Variants in PIP5K1C observed in about 807,000 individuals in gnomAD.
PIP5K1C encodes the protein phosphatidylinositol 4-phosphate 5-kinase type-1 gamma.
In PIP5K1C, 45 loss-of-function variants were observed where a neutral mutation model predicts 80.1. That is an observed-to-expected ratio of 0.56 (90% CI 0.44 to 0.72). The LOEUF is 0.72. PIP5K1C is among the 30% of genes least tolerant of loss of function. PIP5K1C has a pLI of 0.00. For synonymous variants in PIP5K1C, 498 were observed against 420.1 expected (o/e 1.19, Z -2.27); for missense variants, 753 against 954.6 (o/e 0.79, Z 2.78).
chr19:3,665,431 C>T (rs1021376594), intron 2 of PIP5K1C, among the ~76,000 whole-genome samples: 4 of 152,060 alleles, frequency 2.6e-5, no homozygotes, highest in Admixed American at 2.6e-4. Context: ...GTATGCAAAT[C>T]ACATCTCAGT....
At chr19:3,661,702 A>G (rs2034836970) in intron 4 of PIP5K1C, among the ~76,000 whole-genome samples, 169 bp downstream of exon 4, 1 of 152,246 alleles carries the variant, frequency 6.6e-6, no homozygotes, top group South Asian at 2.1e-4. Flanking sequence ...TCTCTGATTC[A>G]GCAGCAAACA....
At chr19:3,669,772 CGT>C (rs920317217) in intron 1 of PIP5K1C, 2 of 148,900 alleles carry the variant, frequency 1.3e-5, no homozygotes, top group African/African-American at 2.5e-5. Flanking sequence ...GGGAGACCCA[CGT>C]GTGTCCCATC....
intron 10 of PIP5K1C, among the ~76,000 whole-genome samples, 174 bp downstream of exon 10, chr19:3,647,162 TCA>T (rs567720571): frequency 5.2e-4 from 45 of 86,574 alleles, no homozygotes; most frequent in African/African-American, 2.0e-3. Context: ...GTGCAGGCAC[TCA>T]CAGAGGAGGG....
intron 1 of PIP5K1C, among the ~76,000 whole-genome samples, chr19:3,672,891 C>T (rs1176900721): frequency 7.3e-5 from 7 of 96,086 alleles, no homozygotes; most frequent in African/African-American, 2.3e-4. Context: ...GCCCTGGAGG[C>T]GGTGGGGGCG....
chr19:3,665,834 G>A (rs2145502072), intron 2 of PIP5K1C, among the ~76,000 whole-genome samples: 1 of 152,214 alleles, frequency 6.6e-6, no homozygotes, highest in African/African-American at 2.4e-5. Flanking sequence ...AAGGAGAACA[G>A]CCCCGCCTGG....
intron 5 of PIP5K1C, 117 bp downstream of exon 5, chr19:3,660,849 T>C (rs2034808324): frequency 1.3e-6 from 1 of 784,768 alleles, no homozygotes; most frequent in Non-Finnish European, 2.3e-6. Flanking sequence ...AACCTGACCA[T>C]AACCCTACAC....
At chr19:3,644,043 C>T (rs921115370) in intron 12 of PIP5K1C, 44 bp downstream of exon 12, 5 of 1,599,656 alleles carry the variant, frequency 3.1e-6, no homozygotes, top group Admixed American at 1.7e-5. Context: ...GCTGCTGGCA[C>T]CCCCTGTAGC....
At position 3,631,571 on chromosome 19, in the gene PIP5K1C, C is replaced by G. The variant is rs4807494; in HGVS notation, c.*1596G>C. 127,525 of 152,264 alleles carry G rather than the reference C, an allele frequency of 0.84. 53,738 individuals carry two copies. Among genetic ancestry groups the G allele is most frequent in the African/African-American group, 0.92 (38,399 of 41,538 alleles). The allele number at this position is 152,264 out of a possible 1,614,324, so 9.4% of individuals were successfully genotyped here. A position where few individuals can be genotyped will look rare whatever the true frequency, so the allele number is the denominator to read the frequency against. On this transcript the variant is annotated 3_prime_UTR_variant, in exon 18 of 18. Coordinates refer to ENST00000335312, the MANE Select transcript of PIP5K1C (RefSeq NM_012398.3). Reference sequence around the variant, plus strand: ...CTGATGGATGCTGGGAGCCACGCGGCTGGCCGGTTCCCGAGGAGGGTCGGC... The same window carrying G: ...CTGATGGATGCTGGGAGCCACGCGGGTGGCCGGTTCCCGAGGAGGGTCGGC...
chr19:3,651,135 ACCT>A (rs1443131795), intron 8 of PIP5K1C, among the ~76,000 whole-genome samples: 1 of 144,620 alleles, frequency 6.9e-6, no homozygotes, highest in Admixed American at 6.9e-5. Context: ...GCTCACTGCA[ACCT>A]CCGCCTGCCA....
intron 1 of PIP5K1C, among the ~76,000 whole-genome samples, chr19:3,697,348 G>A (rs1217297947): frequency 6.6e-6 from 1 of 151,754 alleles, no homozygotes; most frequent in Non-Finnish European, 1.5e-5. Flanking sequence ...GGACCGGGGA[G>A]GACCGAGCCA....
chr19:3,686,298 T>C (rs1019097772), intron 1 of PIP5K1C, among the ~76,000 whole-genome samples: 6 of 151,752 alleles, frequency 4.0e-5, no homozygotes, highest in Non-Finnish European at 7.4e-5. Flanking sequence ...CGGGCGCCTG[T>C]AGTCCCAGCT....
chr19:3,650,077 A>AC (rs148826764), intron 8 of PIP5K1C: 3,369 of 158,018 alleles, frequency 0.021, 130 homozygotes, highest in African/African-American at 0.078. Flanking sequence ...TGGCTCCCGC[A>AC]CCCCCCCGCA....
At position 3,653,405 on chromosome 19, in the gene PIP5K1C, T is replaced by C; in HGVS notation, c.806A>G (p.Glu269Gly). The part of the protein sequence containing the change: ...YKRRASKKEK[E>G]KSFPTYKDLD... ...GTCCTTGTAGGTGGGGAAGCTCTTC[T>C]CCTTCTCCTTCTTGCTGGCGCGCCG... Residue 269 changes from glutamate to glycine, a missense_variant, in exon 7 of 18, where the codon GAG becomes GGG. Glu to Gly is a moderately conservative substitution (Grantham distance 98, BLOSUM62 -2). Coordinates refer to ENST00000335312, the MANE Select transcript of PIP5K1C (RefSeq NM_012398.3). 1.2e-6 allele frequency: 2 copies of C among 1,613,246 alleles called. No homozygotes were observed. The highest frequency in any genetic ancestry group is 1.7e-6 in the Non-Finnish European group (2 of 1,179,996).
rs371947743 is a variant in PIP5K1C, at chr19:3,647,005, G to A, written c.1260+333C>T. Among the ~76,000 whole-genome samples the A allele has an allele frequency of 2.0e-3, 280 of 138,428 alleles. 6 individuals carry two copies. The highest frequency in any genetic ancestry group is 7.0e-3 in the African/African-American group (256 of 36,350). 90.8% of individuals were successfully genotyped at this position (138,428 alleles called of 152,430 possible). ...CAGGGAGGAAGGATGGGAGGAGGGT[G>A]CAGGCGCTCACAGAGGGAGGAGGGA... On this transcript the variant is annotated intron_variant, in intron 10 of 17. Transcript: ENST00000335312.
chr19:3,700,301 CGCCGCCCCGCTCTCT>C lies in PIP5K1C; in HGVS notation c.75_89del (p.Glu26_Ala30del), dbSNP rs1395792787. On this transcript the variant is annotated inframe_deletion, in exon 1 of 18. Coordinates refer to ENST00000335312, the MANE Select transcript of PIP5K1C (RefSeq NM_012398.3). ...CCCGGGAGGCCGGGCCGTTACCTGC[CGCCGCCCCGCTCTCT>C]GCCGCCCACGCCGCCTCCGAGGGCA... The C allele has an allele frequency of 7.8e-7, 1 of 1,280,826 alleles. No homozygotes were observed. The highest frequency in any genetic ancestry group is 1.0e-6 in the Non-Finnish European group (1 of 997,336). The allele number at this position is 1,280,826 out of a possible 1,614,324, so 79.3% of individuals were successfully genotyped here.
chr19:3,698,958 C>T (rs568038291), intron 1 of PIP5K1C, among the ~76,000 whole-genome samples: 8 of 150,270 alleles, frequency 5.3e-5, no homozygotes, highest in Admixed American at 2.7e-4. Context: ...CCCACTCCCC[C>T]GCTCTCCCAC....
chr19:3,663,269 T>G (rs764134116), intron 3 of PIP5K1C, among the ~76,000 whole-genome samples: 1 of 152,212 alleles, frequency 6.6e-6, no homozygotes, highest in Non-Finnish European at 1.5e-5. Flanking sequence ...ACCTCCGCTC[T>G]CTAATTCCGG....
chr19:3,653,231 G>T, intron 7 of PIP5K1C, 59 bp downstream of exon 7: 1 of 1,535,160 alleles, frequency 6.5e-7, no homozygotes, highest in Non-Finnish European at 8.9e-7. Flanking sequence ...CCCAGGCCGA[G>T]CCCTCACCAC....
chr19:3,690,889 G>A (rs547885066), intron 1 of PIP5K1C, among the ~76,000 whole-genome samples: 1 of 152,336 alleles, frequency 6.6e-6, no homozygotes, highest in South Asian at 2.1e-4. Flanking sequence ...AATGGGCCGG[G>A]GAGGGTGGAG....
Sources: allele counts gnomAD v4.1 joint callset (sites outside exome capture counted in the v4.1 genomes callset), GRCh38; gene constraint gnomAD v4.1.1; transcripts MANE v1.5; gene names NCBI Gene and HGNC (gene_info 2026-07-23, HGNC 2026-07-21).